The following NAALADL2 variants were observed in gnomAD, a reference collection of about 807,000 sequenced individuals.
The protein encoded by NAALADL2 is N-acetylated alpha-linked acidic dipeptidase like 2.
A neutral mutation model predicts 87.2 loss-of-function variants in NAALADL2; 76 were observed. The observed-to-expected ratio is 0.87, with a 90% CI of 0.72 to 1.05. The LOEUF (loss-of-function observed/expected upper bound fraction) is 1.05, where lower values mean the gene tolerates loss of function less well. Ranked by LOEUF, NAALADL2 falls within the 50% of genes least tolerant of loss-of-function variation. The pLI is 0.00. For synonymous variants in NAALADL2, 354 were observed against 331.0 expected, an observed-to-expected ratio of 1.07 and a Z score of -0.75; for missense variants, 1,089 against 945.8, an observed-to-expected ratio of 1.15 and a Z score of -1.99.
Position 175,449,102 on chromosome 3 carries a change from C to T in NAALADL2, c.1234+1730C>T, listed in dbSNP as rs538313626. ...AACTACTTTTTTAAAAAAATGCAGACATGTCTTACTCTATTGCCCAGGCTG... is the reference window on the plus strand; with the variant it reads ...AACTACTTTTTTAAAAAAATGCAGATATGTCTTACTCTATTGCCCAGGCTG... On this transcript the variant is annotated intron_variant, in intron 6 of 13. Coordinates refer to ENST00000454872, the MANE Select transcript of NAALADL2 (RefSeq NM_207015.3). Among the ~76,000 whole-genome samples the T allele has an allele frequency of 2.0e-5, 3 of 152,048 alleles. No homozygotes were observed. The South Asian group carries it at 6.2e-4, about 32-fold the overall frequency.
At chr3:175,385,304 T>A (rs1768244049) in intron 5 of NAALADL2, among the ~76,000 whole-genome samples, 1 of 152,130 alleles carries the variant, frequency 6.6e-6, no homozygotes, top group Admixed American at 6.6e-5. Context: ...TTGTCTAATC[T>A]ACCCTGAAAT....
At chr3:175,510,548 T>TA (rs1731016871) in intron 9 of NAALADL2, among the ~76,000 whole-genome samples, 2 of 152,172 alleles carry the variant, frequency 1.3e-5, no homozygotes, top group South Asian at 2.1e-4. Context: ...GGAAATGTTT[T>TA]AAAAAAATAA....
chr3:175,670,760 C>T (rs574915112), intron 11 of NAALADL2, among the ~76,000 whole-genome samples: 1 of 150,876 alleles, frequency 6.6e-6, no homozygotes, highest in Non-Finnish European at 1.5e-5. Flanking sequence ...AATTATCCAA[C>T]GTTTTGGCAA....
chr3:174,986,342 AG>A (rs2108680474), intron 1 of NAALADL2, among the ~76,000 whole-genome samples: 1 of 148,078 alleles, frequency 6.8e-6, no homozygotes, highest in African/African-American at 2.5e-5. Context: ...ATATTCCATA[AG>A]GATTATTGTT....
At chr3:174,687,846 A>G (rs521806) in intron 2 of NAALADL2, among the ~76,000 whole-genome samples, 114,285 of 151,852 alleles carry the variant, frequency 0.75, 43,192 homozygotes, top group East Asian at 0.89. Flanking sequence ...AAGTCTCATG[A>G]TATCTGATGG....
intron 3 of NAALADL2, among the ~76,000 whole-genome samples, chr3:174,836,638 G>A (rs1308318965): frequency 2.0e-5 from 3 of 150,324 alleles, no homozygotes; most frequent in South Asian, 2.1e-4. Context: ...GAACCCGGGA[G>A]GCGGAGCTTG....
chr3:174,878,020 A>G (rs1728719842), intron 1 of NAALADL2, among the ~76,000 whole-genome samples: 3 of 152,068 alleles, frequency 2.0e-5, no homozygotes, highest in Non-Finnish European at 4.4e-5. Flanking sequence ...TTCTATGTAT[A>G]TATTTGGCAG....
rs1719569047 is a variant in NAALADL2, at chr3:174,511,053, CAT to C, written c.-183-39514_-183-39513del. 2.6e-5 allele frequency among the ~76,000 whole-genome samples: 4 copies of C among 152,088 alleles called. No homozygotes were observed. The South Asian group carries it at 8.3e-4, about 32-fold the overall frequency. ...TTTAATTCTGTTATGGTGAGAAAAA[CAT>C]ACTTTGTATAATTTTAATCTTTTAA... On this transcript the variant is annotated intron_variant, in intron 1 of 3. Transcript: ENST00000434257.
chr3:175,311,058 C>T (rs1758302008), intron 4 of NAALADL2, among the ~76,000 whole-genome samples: 1 of 151,946 alleles, frequency 6.6e-6, no homozygotes, highest in African/African-American at 2.4e-5. Context: ...AAGATGAATG[C>T]TCTTTATTCT....
intron 6 of NAALADL2, among the ~76,000 whole-genome samples, chr3:175,454,097 T>G (rs1279988510): frequency 6.6e-6 from 1 of 152,092 alleles, no homozygotes; most frequent in Non-Finnish European, 1.5e-5. Flanking sequence ...ATATGTCTCA[T>G]TAATAGCAAA....
At chr3:174,969,066 TG>T (rs1743260766) in intron 1 of NAALADL2, among the ~76,000 whole-genome samples, 1 of 152,218 alleles carries the variant, frequency 6.6e-6, no homozygotes, top group Non-Finnish European at 1.5e-5. Context: ...GACCTGGAAC[TG>T]GTATGGCTCT....
chr3:174,558,910 C>T (rs575955938), intron 2 of NAALADL2, among the ~76,000 whole-genome samples: 1 of 152,272 alleles, frequency 6.6e-6, no homozygotes, highest in Non-Finnish European at 1.5e-5. Flanking sequence ...CCACTTGCTG[C>T]AGTTCTGTAT....
chr3:175,778,427 T>C (rs1750560516), intron 13 of NAALADL2, among the ~76,000 whole-genome samples: 1 of 152,184 alleles, frequency 6.6e-6, no homozygotes, highest in Non-Finnish European at 1.5e-5. Context: ...AGAAGTGGTC[T>C]CTCCCTTGTT....
intron 1 of NAALADL2, among the ~76,000 whole-genome samples, chr3:174,980,588 G>A (rs1299162203): frequency 6.6e-6 from 1 of 151,938 alleles, no homozygotes; most frequent in African/African-American, 2.4e-5. Context: ...AAAGATCAAG[G>A]TATTATAAGT....
At chr3:174,609,241 T>G (rs976611514) in intron 2 of NAALADL2, among the ~76,000 whole-genome samples, 2 of 152,178 alleles carry the variant, frequency 1.3e-5, no homozygotes, top group Admixed American at 1.3e-4. Flanking sequence ...GCATTCCCTT[T>G]GAAAACTGGC....
chr3:174,736,954 C>G (rs1733277498), intron 2 of NAALADL2, among the ~76,000 whole-genome samples: 1 of 152,162 alleles, frequency 6.6e-6, no homozygotes, highest in Admixed American at 6.5e-5. Context: ...CAGTGCTGCC[C>G]CAAGCCTGCG....
chr3:175,249,682 T>G (rs899867985), intron 3 of NAALADL2, among the ~76,000 whole-genome samples: 6 of 152,298 alleles, frequency 3.9e-5, no homozygotes, highest in African/African-American at 1.4e-4. Context: ...AGTCTTATTT[T>G]GAGCAAAGTG....
chr3:175,312,605 G>A (rs1333757555), intron 4 of NAALADL2, among the ~76,000 whole-genome samples: 2 of 152,016 alleles, frequency 1.3e-5, no homozygotes, highest in Non-Finnish European at 2.9e-5. Context: ...ATAATTGAGA[G>A]GAAAGGCATA....
intron 2 of NAALADL2, among the ~76,000 whole-genome samples, chr3:174,581,965 C>G (rs1716210639): frequency 6.6e-6 from 1 of 152,146 alleles, no homozygotes; most frequent in African/African-American, 2.4e-5. Context: ...ACAATTAATT[C>G]TTTTTTGGCT....
Sources: allele counts gnomAD v4.1 joint callset (sites outside exome capture counted in the v4.1 genomes callset), GRCh38; gene constraint gnomAD v4.1.1; transcripts MANE v1.5; gene names NCBI Gene and HGNC (gene_info 2026-07-23, HGNC 2026-07-21).